ARPC4: variants seen among roughly 807,000 people sequenced by gnomAD.
ARPC4 encodes the protein actin-related protein 2/3 complex subunit 4.
ARPC4 carries 3 observed loss-of-function variants against 22.8 expected under a neutral mutation model. That is an observed-to-expected ratio of 0.13 (90% CI 0.06 to 0.34). ARPC4 has a LOEUF of 0.34. Ranked by LOEUF, ARPC4 falls within the 10% of genes least tolerant of loss-of-function variation. The pLI, the probability that ARPC4 is intolerant of heterozygous loss-of-function variation, is 1.00. For missense variants in ARPC4, 98 were observed against 211.0 expected, an observed-to-expected ratio of 0.46 and a Z score of 3.32; for synonymous variants, 80 against 72.5, an observed-to-expected ratio of 1.10 and a Z score of -0.52.
At chr3:9,794,496 C>G (rs149431144) in intron 1 of ARPC4, among the ~76,000 whole-genome samples, 18 of 151,828 alleles carry the variant, frequency 1.2e-4, no homozygotes, top group Admixed American at 6.5e-4. Context: ...AAGACTCCGT[C>G]TCAAAAAAAA....
At chr3:9,802,569 G>T (rs1323704862) in intron 4 of ARPC4, among the ~76,000 whole-genome samples, 6 of 151,218 alleles carry the variant, frequency 4.0e-5, no homozygotes, top group Non-Finnish European at 7.4e-5. Context: ...TAGAGACGGG[G>T]TTTCACCATG....
rs1443804716 is a variant in ARPC4 at position 9,807,000 on chromosome 3, GT to G, written c.*787del. 7 of 152,812 alleles carry G rather than the reference GT, an allele frequency of 4.6e-5. No homozygotes were observed. Among genetic ancestry groups the G allele is most frequent in the Non-Finnish European group, 1.0e-4 (7 of 68,496 alleles). The allele number at this position is 152,812 out of a possible 1,614,324, so 9.5% of individuals were successfully genotyped here. A position where few individuals can be genotyped will look rare whatever the true frequency, so the allele number is the denominator to read the frequency against. ...TCCTGGCCGGGCCCTCCTCCTGCCT[GT>G]TCTGGCTCCTCTGCTCCCACGCTAG... On this transcript the variant is annotated 3_prime_UTR_variant, in exon 6 of 6. Coordinates refer to ENST00000397261, the MANE Select transcript of ARPC4 (RefSeq NM_005718.5).
At chr3:9,803,288 C>A (rs901966489) in intron 4 of ARPC4, among the ~76,000 whole-genome samples, 1 of 152,192 alleles carries the variant, frequency 6.6e-6, no homozygotes, top group Non-Finnish European at 1.5e-5. Context: ...CTTAAAATAT[C>A]CCCAGTGACT....
intron 1 of ARPC4, among the ~76,000 whole-genome samples, chr3:9,796,669 T>C (rs142157063): frequency 0.011 from 1,676 of 151,950 alleles, 14 homozygotes; most frequent in South Asian, 0.018. Context: ...TGGCAGGGTG[T>C]GGTGGCTCAC....
rs2078785508 is a variant in ARPC4, at chr3:9,793,098, T to C, written c.-24T>C. 6.5e-7 allele frequency: 1 copy of C among 1,545,164 alleles called. No homozygotes were observed. Among genetic ancestry groups the C allele is most frequent in the East Asian group, 2.5e-5 (1 of 40,692 alleles). ...GGGCTGGCCACTTCCGTACTTCCGC[T>C]TTCCGGCCCAGCCAGCGCCCGCGAT... On this transcript the variant is annotated 5_prime_UTR_variant, in exon 1 of 6. Transcript: ENST00000397261.
intron 3 of ARPC4, among the ~76,000 whole-genome samples, 175 bp from the exon 4 acceptor site, chr3:9,801,486 G>A (rs1336864435): frequency 6.6e-6 from 1 of 152,118 alleles, no homozygotes; most frequent in Non-Finnish European, 1.5e-5. Flanking sequence ...ATGCCCCAAG[G>A]TAGACCCTTG....
chr3:9,805,425 A>C (rs2079088673), intron 5 of ARPC4, among the ~76,000 whole-genome samples: 1 of 152,184 alleles, frequency 6.6e-6, no homozygotes. Flanking sequence ...AGCCTTTGTC[A>C]AGGGTCACAA....
intron 3 of ARPC4, among the ~76,000 whole-genome samples, chr3:9,800,829 T>G (rs571288319): frequency 2.0e-5 from 3 of 152,314 alleles, no homozygotes; most frequent in African/African-American, 7.2e-5. Flanking sequence ...TGGGGCCTGC[T>G]TTCCTTGCTA....
At chr3:9,801,961 C>G (rs932231915) in intron 4 of ARPC4, among the ~76,000 whole-genome samples, 1 of 152,056 alleles carries the variant, frequency 6.6e-6, no homozygotes, top group Non-Finnish European at 1.5e-5. Context: ...CAAAAAAGAG[C>G]CGGGCGTGGT....
Position 9,797,524 on chromosome 3 carries a change from T to C in ARPC4, c.4-135T>C, listed in dbSNP as rs2078921617. ...TGGAAGGCGTCTCGAAGGCCTAGTCTGTTCTGTTCACAGTAGTGTCTTAAG... is the reference window on the plus strand; with the variant it reads ...TGGAAGGCGTCTCGAAGGCCTAGTCCGTTCTGTTCACAGTAGTGTCTTAAG... On this transcript the variant is annotated intron_variant, in intron 1 of 5. Coordinates refer to ENST00000397261, the MANE Select transcript of ARPC4 (RefSeq NM_005718.5). 1.1e-5 allele frequency: 10 copies of C among 943,308 alleles called. No homozygotes were observed. In the South Asian group the frequency reaches 1.7e-4, roughly 16 times the overall value. 58.4% of individuals were successfully genotyped at this position (943,308 alleles called of 1,614,324 possible). A position where few individuals can be genotyped will look rare whatever the true frequency, so the allele number is the denominator to read the frequency against.
chr3:9,792,972 G>T (rs1005777087), upstream of ARPC4: 6 of 1,423,326 alleles, frequency 4.2e-6, no homozygotes, highest in South Asian at 1.4e-5. Flanking sequence ...AGGCCCAAGC[G>T]TTCGTAAGGG....
At chr3:9,792,723 A>G, upstream of ARPC4, 3 of 1,234,270 alleles carry the variant, frequency 2.4e-6, no homozygotes, top group South Asian at 3.9e-5. Context: ...GGGCGAGAGA[A>G]AGGATGGGGG....
intron 1 of ARPC4, 185 bp downstream of exon 1, chr3:9,793,309 G>A: frequency 3.4e-6 from 4 of 1,176,240 alleles, no homozygotes; most frequent in Non-Finnish European, 4.6e-6. Context: ...GCGAGTGGGG[G>A]TACTCCCTGG....
At chr3:9,800,148 TCTGTAGTA>T (rs2078978628) in intron 2 of ARPC4, 29 bp from the exon 3 acceptor site, 2 of 1,608,270 alleles carry the variant, frequency 1.2e-6, no homozygotes, top group African/African-American at 2.7e-5. Flanking sequence ...ATTCTATCCC[TCTGTAGTA>T]CAAGTACTCT....
chr3:9,800,362 G>A lies in ARPC4; in HGVS notation c.234+66G>A, dbSNP rs139355901. On this transcript the variant is annotated intron_variant, in intron 3 of 5. Coordinates refer to ENST00000397261, the MANE Select transcript of ARPC4 (RefSeq NM_005718.5). ...CAGTCCTTTCAGCCTCTTTCAGTCC[G>A]GGGTCCCCATCTGAGAGATCAGTGT... The A allele has an allele frequency of 6.3e-5, 96 of 1,518,602 alleles. No homozygotes were observed. In the East Asian group the frequency reaches 1.3e-3, roughly 20 times the overall value. 94.1% of individuals were successfully genotyped at this position (1,518,602 alleles called of 1,614,324 possible).
chr3:9,803,628 C>T (rs1276599150), intron 4 of ARPC4: 2 of 713,994 alleles, frequency 2.8e-6, no homozygotes, highest in East Asian at 2.6e-5. Flanking sequence ...CTGATACACA[C>T]AGAATTCTCA....
In ARPC4 at chr3:9,806,514, G is replaced by GTT; in HGVS notation, c.*300_*301insTT. The stretch of plus-strand genomic sequence containing the variant: ...GCTTGTAGGATACTGTAACCTTTTT[G>GTT]TCTTTTTTTTTTTTTTTTTTTTTAA... On this transcript the variant is annotated 3_prime_UTR_variant, in exon 6 of 6. Transcript: ENST00000397261. 3.2e-6 allele frequency: 1 copy of GTT among 309,680 alleles called. No individual in the cohort carries two copies. Among genetic ancestry groups the GTT allele is most frequent in the Non-Finnish European group, 5.7e-6 (1 of 174,378 alleles). 19.2% of individuals were successfully genotyped at this position (309,680 alleles called of 1,614,324 possible).
At chr3:9,803,165 G>A (rs919139312) in intron 4 of ARPC4, among the ~76,000 whole-genome samples, 13 of 152,230 alleles carry the variant, frequency 8.5e-5, no homozygotes, top group African/African-American at 2.4e-5. Context: ...TTACAGGCGT[G>A]AGCCACCGCG....
intron 5 of ARPC4, chr3:9,804,338 G>A (rs1056589693): frequency 9.1e-6 from 2 of 219,428 alleles, no homozygotes; most frequent in Non-Finnish European, 1.8e-5. Flanking sequence ...TGAGGTAAGT[G>A]AAGTCTGCAT....
Sources: allele counts gnomAD v4.1 joint callset (sites outside exome capture counted in the v4.1 genomes callset), GRCh38; gene constraint gnomAD v4.1.1; transcripts MANE v1.5; gene names NCBI Gene and HGNC (gene_info 2026-07-23, HGNC 2026-07-21).